The following AP4M1 variants were observed in gnomAD, a reference collection of about 807,000 sequenced individuals.
AP4M1 encodes adaptor related protein complex 4 subunit mu 1.
AP4M1 carries 58 observed loss-of-function variants against 62.4 expected under a neutral mutation model. The observed-to-expected ratio is 0.93, with a 90% CI of 0.75 to 1.16. The LOEUF is 1.16. AP4M1 is among the 50% of genes most tolerant of loss of function. The pLI, the probability that AP4M1 is intolerant of heterozygous loss-of-function variation, is 0.00. For synonymous variants in AP4M1, 290 were observed against 239.7 expected, an observed-to-expected ratio of 1.21 and a Z score of -1.94; for missense variants, 626 against 585.4, an observed-to-expected ratio of 1.07 and a Z score of -0.72.
Position 100,107,427 on chromosome 7 carries a change from T to C in AP4M1, c.*545T>C, listed in dbSNP as rs1029753247. 1 of 1,610,154 alleles carries C rather than the reference T, an allele frequency of 6.2e-7. No homozygotes were observed. Among genetic ancestry groups the C allele is most frequent in the Non-Finnish European group, 8.5e-7 (1 of 1,177,324 alleles). On this transcript the variant is annotated 3_prime_UTR_variant, in exon 15 of 15. Transcript: ENST00000359593. ...AGAAGGATGGGAGGTGGGGCCTCCT[T>C]TGCCCTCCCCTGTTGGGGGAAGTGA...
intron 6 of AP4M1, 75 bp downstream of exon 6, chr7:100,103,767 C>G (rs1044536848): frequency 1.3e-6 from 2 of 1,490,184 alleles, no homozygotes; most frequent in South Asian, 2.3e-5. Flanking sequence ...TTAGGTCGGG[C>G]ACAGCGGCTC....
chr7:100,107,666 C>A lies in AP4M1; in HGVS notation c.*784C>A. ...GCAGGCCGCTTGCCCTGTGCCCTCCCTGCCCCCCAGAGGCCTGGCGAGGAC... is the reference window on the plus strand; with the variant it reads ...GCAGGCCGCTTGCCCTGTGCCCTCCATGCCCCCCAGAGGCCTGGCGAGGAC... On this transcript the variant is annotated 3_prime_UTR_variant, in exon 15 of 15. Coordinates refer to ENST00000359593, the MANE Select transcript of AP4M1 (RefSeq NM_004722.4). The A allele has an allele frequency of 6.3e-7, 1 of 1,595,852 alleles. No homozygotes were observed. The highest frequency in any genetic ancestry group is 1.8e-5 in the Admixed American group (1 of 55,450).
At position 100,107,550 on chromosome 7, in the gene AP4M1, C is replaced by T. The variant is rs1796658650; in HGVS notation, c.*668C>T. On this transcript the variant is annotated 3_prime_UTR_variant, in exon 15 of 15. Coordinates refer to ENST00000359593, the MANE Select transcript of AP4M1 (RefSeq NM_004722.4). ...GACCAACTTGACGATGGGCTGCACG[C>T]TGGGGACGGTGGTGGTGACGGGCGA... is the stretch of plus-strand genomic sequence containing the variant. 6.2e-7 allele frequency: 1 copy of T among 1,613,796 alleles called. No homozygotes were observed. The highest frequency in any genetic ancestry group is 8.5e-7 in the Non-Finnish European group (1 of 1,179,978).
In AP4M1 at chr7:100,106,476, C is replaced by T. The variant is rs569348805; in HGVS notation, c.1099C>T (p.Arg367Trp). The part of the protein sequence containing the change: ...AEGALRWDLP[R>W]VQGGSQLSGL... ...GGGAGCCCTTCGCTGGGACCTGCCT[C>T]GGGTGCAAGGAGGCTCTCAACTCTC... Residue 367 changes from arginine to tryptophan, a missense_variant, in exon 14 of 15, where the codon CGG (arginine) becomes TGG (tryptophan). Coordinates refer to ENST00000359593, the MANE Select transcript of AP4M1 (RefSeq NM_004722.4). 20 of 1,613,792 alleles carry T rather than the reference C, an allele frequency of 1.2e-5. No individual in the cohort carries two copies. Among genetic ancestry groups the T allele is most frequent in the African/African-American group, 4.0e-5 (3 of 75,036 alleles).
chr7:100,106,182 G>A (rs1350292947), intron 12 of AP4M1, 59 bp from the exon 13 acceptor site: 4 of 1,594,580 alleles, frequency 2.5e-6, no homozygotes, highest in Admixed American at 3.3e-5. Flanking sequence ...ACATTGAAGA[G>A]GAACAGGACA....
rs772894703 is a variant in AP4M1 at position 100,108,363 on chromosome 7, G to A, written c.*1481G>A. ...CTATTCCTCCTCCCCACCCGGCCACGGACCTGCGTGATGGTCAGAGTGGTC... is the reference window on the plus strand; with the variant it reads ...CTATTCCTCCTCCCCACCCGGCCACAGACCTGCGTGATGGTCAGAGTGGTC... On this transcript the variant is annotated 3_prime_UTR_variant, in exon 15 of 15. Transcript: ENST00000359593. 28 of 1,593,818 alleles carry A rather than the reference G, an allele frequency of 1.8e-5. 1 individual carries two copies. Among genetic ancestry groups the A allele is most frequent in the South Asian group, 8.9e-5 (8 of 90,102 alleles).
chr7:100,102,223 AT>A, intron 2 of AP4M1: 2 of 614,846 alleles, frequency 3.3e-6, no homozygotes, highest in Admixed American at 2.6e-5. Context: ...TCTACTAAAA[AT>A]ACAAAAAAAA....
intron 2 of AP4M1, chr7:100,102,187 C>T (rs1334299882): frequency 3.1e-6 from 2 of 644,140 alleles, no homozygotes; most frequent in Non-Finnish European, 5.5e-6. Flanking sequence ...TCGAAATCAG[C>T]CTGGCCAACA....
In AP4M1 at chr7:100,106,713, C is replaced by G. The variant is rs1217717139; in HGVS notation, c.1193C>G (p.Ser398Cys). Residue 398 changes from serine (S) to cysteine (C), a missense_variant, in exon 15 of 15, where the codon TCT becomes TGT. Transcript: ENST00000359593. ...PPSHGLSTSA[S>C]PLGLGPASLS... ...AGCCATGGGCTCTCCACCTCGGCCT[C>G]TCCTCTGGGGCTGGGCCCTGCCAGT... 1 of 1,613,826 alleles carries G rather than the reference C, an allele frequency of 6.2e-7. No homozygotes were observed. Among genetic ancestry groups the G allele is most frequent in the South Asian group, 1.1e-5 (1 of 91,088 alleles).
At position 100,106,454 on chromosome 7, in the gene AP4M1, A is replaced by G. The variant is rs1796492104; in HGVS notation, c.1077A>G (p.Gly359=). Residue 359 remains glycine (G), a synonymous_variant, in exon 14 of 15, where the codon GGA becomes GGG. Coordinates refer to ENST00000359593, the MANE Select transcript of AP4M1 (RefSeq NM_004722.4). ...SPEQKAELAE[G]ALRWDLPRVQ... ...AGCAGAAGGCTGAGCTGGCAGAGGGAGCCCTTCGCTGGGACCTGCCTCGGG... is the reference window on the plus strand; with the variant it reads ...AGCAGAAGGCTGAGCTGGCAGAGGGGGCCCTTCGCTGGGACCTGCCTCGGG... 2 of 1,613,872 alleles carry G rather than the reference A, an allele frequency of 1.2e-6. No individual in the cohort carries two copies. The highest frequency in any genetic ancestry group is 4.5e-5 in the East Asian group (2 of 44,882).
chr7:100,106,970 ACT>A lies in AP4M1; in HGVS notation c.*91_*92del. The A allele has an allele frequency of 1.4e-6, 2 of 1,443,182 alleles. No individual in the cohort carries two copies. The highest frequency in any genetic ancestry group is 1.9e-6 in the Non-Finnish European group (2 of 1,061,358). The allele number at this position is 1,443,182 out of a possible 1,614,324, so 89.4% of individuals were successfully genotyped here. The stretch of plus-strand genomic sequence containing the variant: ...TCTTTTCCAGCCTCCTGGCCTTCGG[ACT>A]CTGAATCTGGGCAGGAAGAGTCCTC... On this transcript the variant is annotated 3_prime_UTR_variant, in exon 15 of 15. Coordinates refer to ENST00000359593, the MANE Select transcript of AP4M1 (RefSeq NM_004722.4).
chr7:100,106,965 T>A lies in AP4M1; in HGVS notation c.*83T>A. 6.8e-7 allele frequency: 1 copy of A among 1,460,678 alleles called. No homozygotes were observed. The highest frequency in any genetic ancestry group is 9.3e-7 in the Non-Finnish European group (1 of 1,076,162). The allele number at this position is 1,460,678 out of a possible 1,614,324, so 90.5% of individuals were successfully genotyped here. Reference sequence around the variant, plus strand: ...TCGTTTCTTTTCCAGCCTCCTGGCCTTCGGACTCTGAATCTGGGCAGGAAG... The same window carrying A: ...TCGTTTCTTTTCCAGCCTCCTGGCCATCGGACTCTGAATCTGGGCAGGAAG... On this transcript the variant is annotated 3_prime_UTR_variant, in exon 15 of 15. Coordinates refer to ENST00000359593, the MANE Select transcript of AP4M1 (RefSeq NM_004722.4).
At position 100,107,601 on chromosome 7, in the gene AP4M1, G is replaced by C; in HGVS notation, c.*719G>C. ...AGTGGTGGTGGAACCTGAGCCGGGG[G>C]CCGAGGTGCTGAGGGACAGGACCTG... On this transcript the variant is annotated 3_prime_UTR_variant, in exon 15 of 15. Transcript: ENST00000359593. The C allele has an allele frequency of 4.3e-6, 7 of 1,613,430 alleles. No homozygotes were observed. The highest frequency in any genetic ancestry group is 5.9e-6 in the Non-Finnish European group (7 of 1,179,836).
Position 100,106,007 on chromosome 7 carries a change from A to G in AP4M1, c.974+4A>G, listed in dbSNP as rs1454299684. ...GATGTGACCTGCTCTCAAAGAGGTAAGAGTGAGGCTGGCCTGGCTGAGTTC... is the reference window on the plus strand; with the variant it reads ...GATGTGACCTGCTCTCAAAGAGGTAGGAGTGAGGCTGGCCTGGCTGAGTTC... On this transcript the variant is annotated splice_donor_region_variant and intron_variant, in intron 12 of 14. Transcript: ENST00000359593. 1.2e-6 allele frequency: 2 copies of G among 1,614,146 alleles called. No individual in the cohort carries two copies. Among genetic ancestry groups the G allele is most frequent in the Admixed American group, 1.7e-5 (1 of 60,008 alleles).
Position 100,102,897 on chromosome 7 carries a change from C to T in AP4M1, c.288C>T (p.Ser96=). Residue 96 remains serine (S), a synonymous_variant, in exon 4 of 15, where the codon TCC becomes TCT. Coordinates refer to ENST00000359593, the MANE Select transcript of AP4M1 (RefSeq NM_004722.4). ...LATLLGDYCG[S]LGEGTISRNV... ...CCCTTCTGGGCGATTACTGTGGCTC[C>T]CTGGGCGAGGGGACCATCTCCCGCA... 6.2e-7 allele frequency: 1 copy of T among 1,614,090 alleles called. No individual in the cohort carries two copies. Among genetic ancestry groups the T allele is most frequent in the Non-Finnish European group, 8.5e-7 (1 of 1,180,010 alleles).
chr7:100,106,708 G>A lies in AP4M1; in HGVS notation c.1188G>A (p.Ser396=), dbSNP rs563836039. The A allele has an allele frequency of 3.3e-5, 54 of 1,613,638 alleles. No homozygotes were observed. The highest frequency in any genetic ancestry group is 3.9e-5 in the Non-Finnish European group (46 of 1,180,030). ...PGPPSHGLST[S]ASPLGLGPAS... ...CTCCCAGCCATGGGCTCTCCACCTCGGCCTCTCCTCTGGGGCTGGGCCCTG... is the reference window on the plus strand; with the variant it reads ...CTCCCAGCCATGGGCTCTCCACCTCAGCCTCTCCTCTGGGGCTGGGCCCTG... Residue 396 remains serine (S), a synonymous_variant, in exon 15 of 15, where the codon TCG becomes TCA. Coordinates refer to ENST00000359593, the MANE Select transcript of AP4M1 (RefSeq NM_004722.4).
intron 7 of AP4M1, among the ~76,000 whole-genome samples, chr7:100,104,449 A>C (rs1298176837): frequency 1.3e-5 from 2 of 152,094 alleles, no homozygotes; most frequent in African/African-American, 4.8e-5. Context: ...ACTTGAGCCC[A>C]GGAGGTTAAG....
chr7:100,103,251 C>G, intron 4 of AP4M1, 158 bp from the exon 5 acceptor site: 1 of 728,970 alleles, frequency 1.4e-6, no homozygotes, highest in Non-Finnish European at 2.4e-6. Context: ...ACTGTGTTGC[C>G]CAGGCTGGTC....
intron 2 of AP4M1, 63 bp from the exon 3 acceptor site, chr7:100,102,612 C>T: frequency 6.8e-7 from 1 of 1,472,840 alleles, no homozygotes; most frequent in Non-Finnish European, 9.5e-7. Context: ...CTCAGGTCTC[C>T]TGGGTTCTGA....
Sources: gnomAD v4.1 joint callset for allele counts (sites outside exome capture counted in the v4.1 genomes callset) on GRCh38, gnomAD v4.1.1 for gene constraint, MANE v1.5 for transcripts, NCBI Gene and HGNC (gene_info 2026-07-23, HGNC 2026-07-21) for gene names.